Variants in FGGY observed in about 807,000 individuals in gnomAD.
FGGY encodes the protein FGGY carbohydrate kinase domain-containing protein.
A neutral mutation model predicts 71.3 loss-of-function variants in FGGY; 72 were observed. That is an observed-to-expected ratio of 1.01 (90% CI 0.84 to 1.23). The LOEUF (loss-of-function observed/expected upper bound fraction) is 1.23. Among genes scored for constraint, FGGY ranks in the 50% most tolerant of loss-of-function variants. FGGY has a pLI of 0.00. For synonymous variants in FGGY, 251 were observed against 250.3 expected, an observed-to-expected ratio of 1.00 and a Z score of -0.02; for missense variants, 668 against 682.3, an observed-to-expected ratio of 0.98 and a Z score of 0.23.
chr1:59,375,879 G>GTTT (rs770578651), intron 4 of FGGY, among the ~76,000 whole-genome samples: 94 of 99,308 alleles, frequency 9.5e-4, no homozygotes, highest in African/African-American at 1.6e-3. Flanking sequence ...ATCTAAAGTA[G>GTTT]TTTTTTTTTT....
intron 14 of FGGY, among the ~76,000 whole-genome samples, chr1:59,753,445 T>C (rs745911414): frequency 2.8e-5 from 4 of 141,314 alleles, no homozygotes; most frequent in Non-Finnish European, 6.1e-5. Context: ...TCATTTTGAC[T>C]GTCTTTATAA....
In FGGY at chr1:59,721,135, T is replaced by C. The variant is rs116339811; in HGVS notation, c.1513-36796T>C. 4.6e-3 allele frequency among the ~76,000 whole-genome samples: 704 copies of C among 152,262 alleles called. 2 individuals are homozygous for C. Among genetic ancestry groups the C allele is most frequent in the African/African-American group, 0.016 (678 of 41,540 alleles). Reference sequence around the variant, plus strand: ...CAAACTGCCTGCTCCACGCCTACCATTCTCTGTCCCCCTTGCCCTACTTGA... The same window carrying C: ...CAAACTGCCTGCTCCACGCCTACCACTCTCTGTCCCCCTTGCCCTACTTGA... On this transcript the variant is annotated intron_variant, in intron 14 of 15. Transcript: ENST00000303721.
intron 7 of FGGY, among the ~76,000 whole-genome samples, chr1:59,515,061 A>C (rs2094607677): frequency 6.6e-6 from 1 of 152,106 alleles, no homozygotes; most frequent in Non-Finnish European, 1.5e-5. Flanking sequence ...AAATGAGTTA[A>C]GACTTTGGAG....
chr1:59,569,962 A>T (rs2095952823), intron 8 of FGGY, among the ~76,000 whole-genome samples: 1 of 152,182 alleles, frequency 6.6e-6, no homozygotes, highest in Non-Finnish European at 1.5e-5. Context: ...AAATTGAAGG[A>T]TCCTGCGGCT....
intron 5 of FGGY, among the ~76,000 whole-genome samples, chr1:59,391,819 A>G (rs2060730615): frequency 6.6e-6 from 1 of 152,208 alleles, no homozygotes; most frequent in Admixed American, 6.5e-5. Context: ...GAGACCTTGA[A>G]TCACTTTTGG....
At chr1:59,471,392 A>T (rs962382806) in intron 6 of FGGY, among the ~76,000 whole-genome samples, 2 of 152,144 alleles carry the variant, frequency 1.3e-5, no homozygotes, top group Non-Finnish European at 2.9e-5. Flanking sequence ...CTTTATAGCA[A>T]TGTGAAGATG....
Position 59,457,050 on chromosome 1 carries a change from T to C in FGGY, c.644T>C (p.Phe215Ser), listed in dbSNP as rs779831884. The C allele has an allele frequency of 6.2e-7, 1 of 1,613,840 alleles. No homozygotes were observed. Among genetic ancestry groups the C allele is most frequent in the South Asian group, 1.1e-5 (1 of 91,088 alleles). Residue 215 changes from phenylalanine (F) to serine (S), a missense_variant, in exon 6 of 16, where the codon TTT becomes TCT. Phe to Ser is a radical substitution (Grantham distance 155, BLOSUM62 -2). Coordinates refer to ENST00000303721, the MANE Select transcript of FGGY (RefSeq NM_018291.5). Reference sequence around the variant, plus strand: ...TGGAAAATGATTGGTTTGGAAGACTTTGTTGCAGATAATTACAGCAAAATA... The same window carrying C: ...TGGAAAATGATTGGTTTGGAAGACTCTGTTGCAGATAATTACAGCAAAATA... The part of the protein sequence containing the change: ...SFWKMIGLED[F>S]VADNYSKIGN...
At chr1:59,371,588 A>C (rs183410636) in intron 4 of FGGY, among the ~76,000 whole-genome samples, 334 of 152,308 alleles carry the variant, frequency 2.2e-3, no homozygotes, top group Non-Finnish European at 3.6e-3. Context: ...CTCCACCCCA[A>C]ATCAACAGAA....
intron 14 of FGGY, among the ~76,000 whole-genome samples, chr1:59,706,837 T>G (rs759885690): frequency 6.6e-6 from 1 of 152,206 alleles, no homozygotes; most frequent in African/African-American, 2.4e-5. Context: ...TACCTCTAGG[T>G]TCATGATGAA....
At chr1:59,500,785 T>C (rs1343517676) in intron 6 of FGGY, among the ~76,000 whole-genome samples, 4 of 149,524 alleles carry the variant, frequency 2.7e-5, no homozygotes, top group African/African-American at 7.4e-5. Context: ...TAGTTGGAAA[T>C]AGAAGAAGAA....
chr1:59,448,148 T>A (rs574389085), intron 5 of FGGY, among the ~76,000 whole-genome samples: 4 of 149,994 alleles, frequency 2.7e-5, no homozygotes, highest in African/African-American at 7.6e-5. Context: ...ACTACCATGG[T>A]TTTTGGCTTT....
intron 9 of FGGY, among the ~76,000 whole-genome samples, chr1:59,625,058 A>C (rs902655264): frequency 6.6e-6 from 1 of 152,198 alleles, no homozygotes; most frequent in Admixed American, 6.5e-5. Context: ...CTCAGGAAAC[A>C]TGCTCAGAGA....
chr1:59,692,435 G>A (rs898861041), intron 14 of FGGY, among the ~76,000 whole-genome samples: 1 of 152,188 alleles, frequency 6.6e-6, no homozygotes, highest in African/African-American at 2.4e-5. Flanking sequence ...TATGTAACTT[G>A]TTCATGATTG....
rs35957543 is a variant in FGGY at position 59,422,971 on chromosome 1, TC to T, written c.555-33989del. Reference sequence around the variant, plus strand: ...GAGAAGTTTAGTATTTTTCCTAGAGTCACATAGTAAACACGTGGCAGCAGGG... The same window carrying T: ...GAGAAGTTTAGTATTTTTCCTAGAGTACATAGTAAACACGTGGCAGCAGGG... On this transcript the variant is annotated intron_variant, in intron 5 of 15. Transcript: ENST00000303721. Among the ~76,000 whole-genome samples the T allele has an allele frequency of 3.7e-3, 559 of 152,216 alleles. 12 individuals are homozygous for T. In the East Asian group the frequency reaches 0.053, roughly 14 times the overall value.
intron 3 of FGGY, among the ~76,000 whole-genome samples, chr1:59,345,810 A>G (rs920490770): frequency 6.6e-6 from 1 of 152,162 alleles, no homozygotes; most frequent in African/African-American, 2.4e-5. Flanking sequence ...TAGCTATTAG[A>G]TGTATTATAC....
chr1:59,752,236 C>T (rs1160348133), intron 14 of FGGY, among the ~76,000 whole-genome samples: 1 of 152,204 alleles, frequency 6.6e-6, no homozygotes, highest in Admixed American at 6.5e-5. Context: ...ACTTAAGAAA[C>T]ACTGCCATCA....
intron 4 of FGGY, among the ~76,000 whole-genome samples, chr1:59,355,893 A>T (rs1205628336): frequency 6.6e-6 from 1 of 152,086 alleles, no homozygotes; most frequent in Non-Finnish European, 1.5e-5. Flanking sequence ...GTCCCCAATC[A>T]GGTTTAGTTT....
At chr1:59,590,791 A>C (rs1168441473) in intron 8 of FGGY, among the ~76,000 whole-genome samples, 2 of 152,188 alleles carry the variant, frequency 1.3e-5, no homozygotes, top group East Asian at 3.8e-4. Context: ...ACGTATCTCA[A>C]AATAATAAGA....
intron 6 of FGGY, among the ~76,000 whole-genome samples, chr1:59,481,900 T>C (rs982033508): frequency 5.9e-5 from 9 of 152,212 alleles, no homozygotes; most frequent in Non-Finnish European, 1.0e-4. Flanking sequence ...TATTTGGATC[T>C]ATTTCACAGA....
Sources: allele counts gnomAD v4.1 joint callset (sites outside exome capture counted in the v4.1 genomes callset), GRCh38; gene constraint gnomAD v4.1.1; transcripts MANE v1.5; gene names NCBI Gene and HGNC (gene_info 2026-07-23, HGNC 2026-07-21).